The following TMEM217B variants were observed in gnomAD, a reference collection of about 807,000 sequenced individuals.
TMEM217B encodes the protein putative transmembrane protein 217B.
chr6:37,235,880 C>G, the TMEM217B span, among the ~76,000 whole-genome samples: 56 of 152,292 alleles, frequency 3.7e-4, no homozygotes, highest in African/African-American at 1.3e-3. Flanking sequence ...GACTTAATCC[C>G]TTCCCCAAAG....
chr6:37,235,434 C>T, the TMEM217B span, among the ~76,000 whole-genome samples: 6 of 152,072 alleles, frequency 3.9e-5, no homozygotes, highest in Non-Finnish European at 7.4e-5. Context: ...GGTGCCATCT[C>T]GGCTCACTGC....
the TMEM217B span, among the ~76,000 whole-genome samples, chr6:37,248,384 T>C: frequency 1.3e-5 from 2 of 152,210 alleles, no homozygotes; most frequent in Non-Finnish European, 2.9e-5. Context: ...CTGCATTGAA[T>C]TGAGGTCAAC....
At chr6:37,224,298 T>C in the TMEM217B span, among the ~76,000 whole-genome samples, 1 of 150,452 alleles carries the variant, frequency 6.6e-6, no homozygotes, top group Non-Finnish European at 1.5e-5. Flanking sequence ...TGCAGCTCAT[T>C]AAAAAAGAAA....
chr6:37,219,140 A>G, the TMEM217B span: 8 of 1,058,028 alleles, frequency 7.6e-6, no homozygotes, highest in Non-Finnish European at 9.6e-6. Flanking sequence ...TTGGAGAAAT[A>G]TAGACAGAAA....
chr6:37,226,281 CTTTTTTTTTTTTTTTT>C, the TMEM217B span, among the ~76,000 whole-genome samples: 5 of 74,892 alleles, frequency 6.7e-5, no homozygotes, highest in South Asian at 4.9e-4. Context: ...TTGAGACAGT[CTTTTTTTTTTTTTTTT>C]TTTTTTTTTT....
the TMEM217B span, chr6:37,212,429 G>A: frequency 1.9e-5 from 8 of 418,684 alleles, no homozygotes; most frequent in East Asian, 7.1e-5. Context: ...TTTAACTTCC[G>A]GTACAACATT....
the TMEM217B span, chr6:37,215,374 A>G: frequency 1.4e-6 from 2 of 1,425,840 alleles, no homozygotes; most frequent in Non-Finnish European, 1.9e-6. Context: ...CAGGAGTTCA[A>G]GACCAGTCTA....
At chr6:37,254,102 T>A in the TMEM217B span, among the ~76,000 whole-genome samples, 1 of 152,184 alleles carries the variant, frequency 6.6e-6, no homozygotes, top group African/African-American at 2.4e-5. Flanking sequence ...TAACAGAAGA[T>A]CTATAAAGTG....
At chr6:37,255,850 T>C in the TMEM217B span, among the ~76,000 whole-genome samples, 1 of 152,132 alleles carries the variant, frequency 6.6e-6, no homozygotes, top group Non-Finnish European at 1.5e-5. Context: ...CAATCTCAAT[T>C]TCCCTATTTA....
the TMEM217B span, chr6:37,258,047 G>C: frequency 1.3e-6 from 2 of 1,528,878 alleles, no homozygotes; most frequent in Non-Finnish European, 1.8e-6. Flanking sequence ...AATCCCGCGG[G>C]CCTGGGGCGC....
chr6:37,238,330 C>T, the TMEM217B span, among the ~76,000 whole-genome samples: 1 of 152,038 alleles, frequency 6.6e-6, no homozygotes, highest in African/African-American at 2.4e-5. Flanking sequence ...TACTTTATGC[C>T]AAGGAGTAGC....
At chr6:37,225,374 A>T in the TMEM217B span, among the ~76,000 whole-genome samples, 44 of 152,058 alleles carry the variant, frequency 2.9e-4, no homozygotes, top group African/African-American at 1.0e-3. Flanking sequence ...ATCATAGTTT[A>T]AAAAAAACAA....
chr6:37,231,155 G>A, the TMEM217B span, among the ~76,000 whole-genome samples: 31 of 151,680 alleles, frequency 2.0e-4, no homozygotes, highest in African/African-American at 7.2e-4. Context: ...CACCTCCCGG[G>A]TTCAAGCGAT....
At chr6:37,254,935 C>T in the TMEM217B span, among the ~76,000 whole-genome samples, 2 of 152,104 alleles carry the variant, frequency 1.3e-5, no homozygotes, top group Non-Finnish European at 2.9e-5. Context: ...ATAAGGAGTG[C>T]GCAATGCAAC....
chr6:37,256,432 AAAAG>A, the TMEM217B span, among the ~76,000 whole-genome samples: 1 of 152,324 alleles, frequency 6.6e-6, no homozygotes, highest in East Asian at 1.9e-4. Context: ...CATCCTAAGA[AAAAG>A]AAGCGCCAGA....
At chr6:37,213,055 TCCC>T in the TMEM217B span, 7,828 of 1,119,172 alleles carry the variant, frequency 7.0e-3, 364 homozygotes, top group African/African-American at 0.11. Context: ...CTTAGACAAA[TCCC>T]CCAAGTCACT....
the TMEM217B span, among the ~76,000 whole-genome samples, chr6:37,222,370 G>C: frequency 2.9e-3 from 436 of 152,352 alleles, no homozygotes; most frequent in Non-Finnish European, 3.8e-3. Flanking sequence ...ACTGGTGCCG[G>C]GATTGGAGAG....
At chr6:37,218,679 C>A in the TMEM217B span, 1 of 1,614,058 alleles carries the variant, frequency 6.2e-7, no homozygotes, top group Non-Finnish European at 8.5e-7. Context: ...ATGTCAAAGT[C>A]ATTGTTGGTG....
the TMEM217B span, among the ~76,000 whole-genome samples, chr6:37,233,768 A>G: frequency 1.3e-5 from 2 of 152,182 alleles, no homozygotes; most frequent in African/African-American, 4.8e-5. Context: ...TTAAGTCGCT[A>G]ACTAACGAAG....
Sources: allele counts gnomAD v4.1 joint callset (sites outside exome capture counted in the v4.1 genomes callset), GRCh38; gene constraint gnomAD v4.1.1; transcripts MANE v1.5; gene names NCBI Gene and HGNC (gene_info 2026-07-23, HGNC 2026-07-21).